Variants in GCSAML observed in about 807,000 individuals in gnomAD.
GCSAML encodes the protein germinal center associated signaling and motility like.
GCSAML carries 9 observed loss-of-function variants against 13.0 expected under a neutral mutation model. The observed-to-expected ratio is 0.69, with a 90% CI of 0.42 to 1.21. The LOEUF is 1.21. Ranked by LOEUF, GCSAML falls within the 50% of genes most tolerant of loss-of-function variation. The probability of loss-of-function intolerance (pLI) is 0.00; values close to 1 mark genes in which losing one functional copy is unlikely to be tolerated. For synonymous variants in GCSAML, 37 were observed against 52.9 expected (o/e 0.70, Z 1.31); for missense variants, 143 against 153.4 (o/e 0.93, Z 0.36).
chr1:247,532,171 A>G, intron 2 of GCSAML: 3 of 1,614,106 alleles, frequency 1.9e-6, no homozygotes, highest in Non-Finnish European at 2.5e-6. Flanking sequence ...GGCCAGCAGG[A>G]CACACTCGGT....
intron 1 of GCSAML, among the ~76,000 whole-genome samples, chr1:247,555,173 C>G (rs1667908153): frequency 6.6e-6 from 1 of 152,092 alleles, no homozygotes; most frequent in African/African-American, 2.4e-5. Flanking sequence ...TTGTTTTCAA[C>G]TTTAAAATAC....
chr1:247,516,605 C>T (rs534168996), intron 1 of GCSAML, among the ~76,000 whole-genome samples: 5 of 143,958 alleles, frequency 3.5e-5, no homozygotes, highest in African/African-American at 1.0e-4. Flanking sequence ...TTATATATGG[C>T]TGGTGATCAG....
Position 247,510,258 on chromosome 1 carries a change from C to T in GCSAML, c.-263+3025C>T, listed in dbSNP as rs191254403. 1.7e-3 allele frequency among the ~76,000 whole-genome samples: 264 copies of T among 152,224 alleles called. 1 individual carries two copies. Among genetic ancestry groups the T allele is most frequent in the Middle Eastern group, 3.4e-3 (1 of 294 alleles). ...AGATGTATGTGTCCAGAAATTTAAC[C>T]ATTTCTTCTAGATTTTCTGGTTTAT... On this transcript the variant is annotated intron_variant, in intron 1 of 5. Coordinates refer to the GCSAML transcript ENST00000366489.
chr1:247,560,012 G>A (rs1045124008), intron 2 of GCSAML, among the ~76,000 whole-genome samples: 1 of 152,200 alleles, frequency 6.6e-6, no homozygotes, highest in Non-Finnish European at 1.5e-5. Flanking sequence ...GTTCATGAGA[G>A]ATGTCAAGAA....
At chr1:247,518,411 A>G (rs561271833) in intron 1 of GCSAML, 1 of 152,452 alleles carries the variant, frequency 6.6e-6, no homozygotes, top group South Asian at 2.1e-4. Context: ...ACTGCTGCGC[A>G]TGCGGTCTCA....
chr1:247,574,073 A>G lies in GCSAML; in HGVS notation c.169-70A>G. The stretch of plus-strand genomic sequence containing the variant: ...CATCAGGTGTATAAAGAAGAAGGGA[A>G]GGTAGTACACTGAGTTCAATTTATG... On this transcript the variant is annotated intron_variant, in intron 4 of 4. Transcript: ENST00000366488. 1.9e-6 allele frequency: 3 copies of G among 1,556,244 alleles called. No homozygotes were observed. In the South Asian group the frequency reaches 3.6e-5, roughly 19 times the overall value.
At chr1:247,515,536 A>G (rs540544606) in intron 1 of GCSAML, among the ~76,000 whole-genome samples, 3 of 152,336 alleles carry the variant, frequency 2.0e-5, no homozygotes, top group African/African-American at 7.2e-5. Flanking sequence ...TGCTAGAAAG[A>G]ACTACCTGAG....
intron 2 of GCSAML, among the ~76,000 whole-genome samples, chr1:247,558,210 G>T (rs1668015824): frequency 6.6e-6 from 1 of 152,224 alleles, no homozygotes; most frequent in Non-Finnish European, 1.5e-5. Context: ...AATATGTGTT[G>T]CATGTGGGCT....
intron 2 of GCSAML, among the ~76,000 whole-genome samples, chr1:247,532,837 C>T (rs1462575835): frequency 6.7e-6 from 1 of 148,322 alleles, no homozygotes; most frequent in Admixed American, 6.8e-5. Flanking sequence ...CATTACCTTC[C>T]TCACGGCCAA....
chr1:247,555,590 C>T (rs558100051), intron 1 of GCSAML, among the ~76,000 whole-genome samples: 17 of 152,222 alleles, frequency 1.1e-4, no homozygotes, highest in African/African-American at 3.4e-4. Context: ...AGCGTTGGTT[C>T]GAAATGCTTT....
intron 1 of GCSAML, among the ~76,000 whole-genome samples, chr1:247,553,398 C>T (rs1419105082): frequency 6.6e-6 from 1 of 151,876 alleles, no homozygotes; most frequent in Non-Finnish European, 1.5e-5. Flanking sequence ...TTGTTCCTTA[C>T]AAGTCTTATA....
chr1:247,549,872 A>G (rs1019649078), intron 1 of GCSAML, among the ~76,000 whole-genome samples: 3 of 152,198 alleles, frequency 2.0e-5, no homozygotes, highest in African/African-American at 7.2e-5. Context: ...ATCTTGCTTA[A>G]TCTTAAATGA....
chr1:247,517,857 A>G (rs952470328), intron 1 of GCSAML, among the ~76,000 whole-genome samples: 9 of 152,196 alleles, frequency 5.9e-5, no homozygotes, highest in African/African-American at 2.2e-4. Context: ...AAATGAGGCC[A>G]AGGGCGATGG....
At chr1:247,555,507 CT>C (rs1211545645) in intron 1 of GCSAML, among the ~76,000 whole-genome samples, 1 of 152,168 alleles carries the variant, frequency 6.6e-6, no homozygotes, top group Non-Finnish European at 1.5e-5. Flanking sequence ...TGCTTAGTGG[CT>C]TTGTGTGTTG....
chr1:247,525,986 A>AT (rs1666667497), intron 1 of GCSAML: 1 of 152,198 alleles, frequency 6.6e-6, no homozygotes, highest in African/African-American at 2.4e-5. Flanking sequence ...ATACCATTTG[A>AT]TTTTTTATTC....
intron 3 of GCSAML, among the ~76,000 whole-genome samples, chr1:247,564,970 G>A (rs1036309193): frequency 6.6e-6 from 1 of 152,160 alleles, no homozygotes; most frequent in Non-Finnish European, 1.5e-5. Context: ...AATATTTCAT[G>A]ATCTAGACAT....
intron 1 of GCSAML, among the ~76,000 whole-genome samples, chr1:247,523,971 G>A (rs1259188797): frequency 6.8e-6 from 1 of 147,604 alleles, no homozygotes; most frequent in Admixed American, 6.9e-5. Context: ...ACAATTGACT[G>A]AACATTTGGA....
At chr1:247,531,448 A>C (rs1558241653) in intron 2 of GCSAML, 1 of 1,230,614 alleles carries the variant, frequency 8.1e-7, no homozygotes, top group Non-Finnish European at 1.1e-6. Flanking sequence ...CCTTGAGCTC[A>C]AACAATATTA....
At chr1:247,510,223 A>C (rs1665982155) in intron 1 of GCSAML, among the ~76,000 whole-genome samples, 1 of 152,154 alleles carries the variant, frequency 6.6e-6, no homozygotes, top group Non-Finnish European at 1.5e-5. Flanking sequence ...TTCTTGGTTT[A>C]GTCTTGAGAA....
Sources: allele counts gnomAD v4.1 joint callset (sites outside exome capture counted in the v4.1 genomes callset), GRCh38; gene constraint gnomAD v4.1.1; transcripts MANE v1.5; gene names NCBI Gene and HGNC (gene_info 2026-07-23, HGNC 2026-07-21).